SH3RF3: variants seen among roughly 807,000 people sequenced by gnomAD.
SH3RF3 encodes E3 ubiquitin-protein ligase SH3RF3.
In SH3RF3, 29 loss-of-function variants were observed where a neutral mutation model predicts 66.3. The observed-to-expected ratio is 0.44, with a 90% confidence interval of 0.33 to 0.60. SH3RF3 has a LOEUF of 0.60. SH3RF3 is among the 20% of genes least tolerant of loss of function. The probability of loss-of-function intolerance (pLI) is 0.04; values close to 1 mark genes in which losing one functional copy is unlikely to be tolerated. For synonymous variants in SH3RF3, 583 were observed against 532.0 expected, an observed-to-expected ratio of 1.10 and a Z score of -1.32; for missense variants, 1,194 against 1,190.9, an observed-to-expected ratio of 1.00 and a Z score of -0.04.
chr2:109,346,051 C>T (rs1333922462), intron 1 of SH3RF3, among the ~76,000 whole-genome samples: 1 of 152,248 alleles, frequency 6.6e-6, no homozygotes. Context: ...TGCCCCTTCC[C>T]ATTTTTTCTG....
intron 6 of SH3RF3, among the ~76,000 whole-genome samples, chr2:109,433,011 A>G (rs536956113): frequency 2.6e-5 from 4 of 152,366 alleles, no homozygotes; most frequent in Admixed American, 1.3e-4. Context: ...CAGTGTGTTC[A>G]GCGTGTATGC....
At chr2:109,181,574 A>G (rs1019474922) in intron 1 of SH3RF3, among the ~76,000 whole-genome samples, 2 of 152,182 alleles carry the variant, frequency 1.3e-5, no homozygotes, top group African/African-American at 4.8e-5. Context: ...TACTTTCACC[A>G]GATTCCTCTT....
intron 1 of SH3RF3, among the ~76,000 whole-genome samples, chr2:109,256,229 G>A (rs1680217733): frequency 6.6e-6 from 1 of 152,192 alleles, no homozygotes. Flanking sequence ...CCCCACAGTT[G>A]GAGAGCCTGC....
chr2:109,274,217 T>C (rs144060278), intron 1 of SH3RF3, among the ~76,000 whole-genome samples: 28 of 152,344 alleles, frequency 1.8e-4, no homozygotes, highest in Admixed American at 6.5e-4. Flanking sequence ...TATGGAGATT[T>C]GAGATTTCAA....
intron 3 of SH3RF3, among the ~76,000 whole-genome samples, chr2:109,375,791 C>T (rs960569616): frequency 9.2e-5 from 14 of 152,222 alleles, no homozygotes; most frequent in East Asian, 3.9e-4. Flanking sequence ...GGTCAGGCCT[C>T]GGCCCAGCCC....
chr2:109,377,552 T>A (rs1464635524), intron 3 of SH3RF3, among the ~76,000 whole-genome samples: 2 of 152,076 alleles, frequency 1.3e-5, no homozygotes, highest in Non-Finnish European at 2.9e-5. Flanking sequence ...ATTAATATGG[T>A]GTGGTGTTTG....
At chr2:109,482,405 CT>C (rs1032910161) in intron 8 of SH3RF3, among the ~76,000 whole-genome samples, 1 of 152,216 alleles carries the variant, frequency 6.6e-6, no homozygotes, top group Non-Finnish European at 1.5e-5. Flanking sequence ...GGACACCCAG[CT>C]CCATCTGTTG....
chr2:109,482,879 T>G (rs1559107305), intron 8 of SH3RF3, among the ~76,000 whole-genome samples: 1 of 152,246 alleles, frequency 6.6e-6, no homozygotes, highest in South Asian at 2.1e-4. Flanking sequence ...TGCCTCCCGT[T>G]CCCTGCTATT....
At chr2:109,223,480 G>A (rs921595000) in intron 1 of SH3RF3, among the ~76,000 whole-genome samples, 1 of 152,232 alleles carries the variant, frequency 6.6e-6, no homozygotes, top group African/African-American at 2.4e-5. Flanking sequence ...GGCATGGCCT[G>A]CCCATGTCAG....
At chr2:109,342,742 T>C (rs1447412053) in intron 1 of SH3RF3, among the ~76,000 whole-genome samples, 2 of 152,152 alleles carry the variant, frequency 1.3e-5, no homozygotes, top group Non-Finnish European at 2.9e-5. Context: ...CTGATTCCAG[T>C]AGAAGCCGGA....
At chr2:109,255,969 A>C (rs1015395688) in intron 1 of SH3RF3, among the ~76,000 whole-genome samples, 4 of 152,186 alleles carry the variant, frequency 2.6e-5, no homozygotes, top group Non-Finnish European at 5.9e-5. Flanking sequence ...AATAGGATGC[A>C]CCTGTCCCCT....
intron 1 of SH3RF3, among the ~76,000 whole-genome samples, chr2:109,193,926 A>G (rs899716015): frequency 2.0e-5 from 3 of 152,196 alleles, no homozygotes; most frequent in African/African-American, 7.2e-5. Context: ...GTCTCCTGGC[A>G]GGGAAAAAGT....
intron 3 of SH3RF3, 24 bp from the exon 4 acceptor site, chr2:109,398,566 T>A (rs949973131): frequency 1.3e-6 from 2 of 1,523,298 alleles, no homozygotes; most frequent in African/African-American, 2.7e-5. Context: ...TAATGCAGCC[T>A]CCCCTCTCCC....
chr2:109,320,833 T>C (rs1027785008), intron 1 of SH3RF3, among the ~76,000 whole-genome samples: 1 of 152,210 alleles, frequency 6.6e-6, no homozygotes, highest in Non-Finnish European at 1.5e-5. Context: ...TCAGATGGAA[T>C]GGCCATGGAT....
In SH3RF3 at chr2:109,272,967, A is replaced by G. The variant is rs149777313; in HGVS notation, c.574-74707A>G. Among the ~76,000 whole-genome samples the G allele has an allele frequency of 4.4e-4, 67 of 152,226 alleles. 1 individual carries two copies. The highest frequency in any genetic ancestry group is 1.3e-3 in the African/African-American group (52 of 41,546). On this transcript the variant is annotated intron_variant, in intron 1 of 9. Transcript: ENST00000309415. ...CACAAAGGACCCGTATTTTTTCCCT[A>G]TTAAGCTACTGGAAGAAATTAAAAC...
intron 8 of SH3RF3, among the ~76,000 whole-genome samples, chr2:109,450,351 A>G (rs1677833028): frequency 8.8e-6 from 1 of 113,062 alleles, no homozygotes; most frequent in African/African-American, 2.6e-5. Context: ...ATCTCAAAAA[A>G]AAAAAAAGAA....
At chr2:109,259,174 G>A (rs139718335) in intron 1 of SH3RF3, among the ~76,000 whole-genome samples, 2 of 152,336 alleles carry the variant, frequency 1.3e-5, no homozygotes, top group East Asian at 1.9e-4. Context: ...TACAAAAGCC[G>A]GGTTGAGGAA....
At chr2:109,342,505 G>C (rs371322998) in intron 1 of SH3RF3, among the ~76,000 whole-genome samples, 154 of 152,334 alleles carry the variant, frequency 1.0e-3, no homozygotes, top group African/African-American at 3.5e-3. Flanking sequence ...GCCGTGACAA[G>C]TGCTCTCCTT....
intron 9 of SH3RF3, 27 bp downstream of exon 9, chr2:109,490,963 TG>T: frequency 3.5e-6 from 5 of 1,427,586 alleles, no homozygotes; most frequent in Non-Finnish European, 4.6e-6. Context: ...GTCTGCTCTG[TG>T]GCATGCTGTG....
Sources: allele counts gnomAD v4.1 joint callset (sites outside exome capture counted in the v4.1 genomes callset), GRCh38; gene constraint gnomAD v4.1.1; transcripts MANE v1.5; gene names NCBI Gene and HGNC (gene_info 2026-07-23, HGNC 2026-07-21).